The following SAMD12 variants were observed in gnomAD, a reference collection of about 807,000 sequenced individuals.
SAMD12 encodes the protein sterile alpha motif domain-containing protein 12.
SAMD12 carries 9 observed loss-of-function variants against 15.0 expected under a neutral mutation model. The ratio of observed to expected loss-of-function variants is 0.60; its 90% confidence interval spans 0.36 to 1.05. The LOEUF (loss-of-function observed/expected upper bound fraction) is 1.05. Among genes scored for constraint, SAMD12 ranks in the 50% least tolerant of loss-of-function variants. SAMD12 has a pLI of 0.01. For synonymous variants in SAMD12, 86 were observed against 90.1 expected, an observed-to-expected ratio of 0.96 and a Z score of 0.25; for missense variants, 230 against 234.2, an observed-to-expected ratio of 0.98 and a Z score of 0.12.
At chr8:118,230,432 A>G (rs533841562) in intron 4 of SAMD12, among the ~76,000 whole-genome samples, 1 of 152,294 alleles carries the variant, frequency 6.6e-6, no homozygotes, top group South Asian at 2.1e-4. Context: ...ATTCCTAAAC[A>G]ATCCAGAGGA....
intron 4 of SAMD12, among the ~76,000 whole-genome samples, chr8:118,333,519 C>T (rs1191527765): frequency 2.0e-5 from 3 of 151,872 alleles, no homozygotes; most frequent in Non-Finnish European, 2.9e-5. Flanking sequence ...TTTCCTCACC[C>T]ACACCTATCT....
chr8:118,177,376 G>A, the SAMD12 span, among the ~76,000 whole-genome samples: 1 of 152,028 alleles, frequency 6.6e-6, no homozygotes, highest in Non-Finnish European at 1.5e-5. Context: ...GAGTAGCTGG[G>A]ACTATGGGCA....
intron 4 of SAMD12, among the ~76,000 whole-genome samples, chr8:118,238,358 T>C (rs966368321): frequency 2.0e-5 from 3 of 152,172 alleles, no homozygotes; most frequent in South Asian, 2.1e-4. Flanking sequence ...AAATTTATCA[T>C]TGTAATCATT....
intron 1 of SAMD12, among the ~76,000 whole-genome samples, chr8:118,596,514 A>T (rs1396224134): frequency 6.6e-6 from 1 of 152,132 alleles, no homozygotes; most frequent in Admixed American, 6.5e-5. Flanking sequence ...AATCCATTAT[A>T]ATCTGGCTCT....
chr8:118,524,481 C>T (rs931925304), intron 2 of SAMD12, among the ~76,000 whole-genome samples: 5 of 152,116 alleles, frequency 3.3e-5, no homozygotes, highest in African/African-American at 1.2e-4. Flanking sequence ...TCAGTCACTG[C>T]AGCTCTGCTC....
intron 4 of SAMD12, among the ~76,000 whole-genome samples, chr8:118,210,749 T>G (rs1294614503): frequency 6.6e-6 from 1 of 152,190 alleles, no homozygotes; most frequent in Non-Finnish European, 1.5e-5. Flanking sequence ...CTCTACTTCT[T>G]TCTTCATCCT....
intron 4 of SAMD12, among the ~76,000 whole-genome samples, chr8:118,276,469 T>G (rs1813477054): frequency 6.6e-6 from 1 of 152,156 alleles, no homozygotes; most frequent in South Asian, 2.1e-4. Flanking sequence ...TTTCTACCCT[T>G]TAGGTTCAAC....
chr8:118,492,295 CA>C (rs564351589), intron 2 of SAMD12, among the ~76,000 whole-genome samples: 1 of 151,314 alleles, frequency 6.6e-6, no homozygotes, highest in Non-Finnish European at 1.5e-5. Context: ...CTTTGCCAAT[CA>C]AAAAAAATTG....
Position 118,621,936 on chromosome 8 carries a change from A to T in SAMD12, c.-120T>A. On this transcript the variant is annotated 5_prime_UTR_variant, in exon 1 of 4. Transcript: ENST00000314727. ...TTCTGCGCTTATCTGCTCCAGGACC[A>T]ACCTGCCGCGGTCACGCAAAGCGAG... 8.1e-7 allele frequency: 1 copy of T among 1,237,072 alleles called. No individual in the cohort carries two copies. The allele number at this position is 1,237,072 out of a possible 1,614,324, so 76.6% of individuals were successfully genotyped here. A position where few individuals can be genotyped will look rare whatever the true frequency, so the allele number is the denominator to read the frequency against.
chr8:118,609,871 A>G (rs1359303307), intron 1 of SAMD12, among the ~76,000 whole-genome samples: 1 of 152,198 alleles, frequency 6.6e-6, no homozygotes, highest in African/African-American at 2.4e-5. Flanking sequence ...TGATAGACAG[A>G]GCAGAGCCCC....
the SAMD12 span, among the ~76,000 whole-genome samples, chr8:118,155,962 G>T: frequency 9.2e-5 from 14 of 152,246 alleles, no homozygotes; most frequent in African/African-American, 3.4e-4. Context: ...TTTCTATCCA[G>T]CATTAAATTC....
chr8:118,395,149 T>C (rs1163709243), intron 3 of SAMD12, among the ~76,000 whole-genome samples: 2 of 152,178 alleles, frequency 1.3e-5, no homozygotes, highest in Admixed American at 6.5e-5. Context: ...TGGATGATAA[T>C]GGGTTCAAAA....
intron 4 of SAMD12, among the ~76,000 whole-genome samples, chr8:118,332,743 T>C (rs1174333138): frequency 6.6e-6 from 1 of 152,210 alleles, no homozygotes; most frequent in Non-Finnish European, 1.5e-5. Context: ...TGCTTTTCTC[T>C]CTACTTCGGT....
intron 4 of SAMD12, among the ~76,000 whole-genome samples, chr8:118,280,852 T>C (rs1813610951): frequency 6.6e-6 from 1 of 152,184 alleles, no homozygotes; most frequent in Non-Finnish European, 1.5e-5. Flanking sequence ...GCAGGCTACG[T>C]CAGCCACCTG....
intron 2 of SAMD12, among the ~76,000 whole-genome samples, chr8:118,501,463 A>G (rs1824779892): frequency 6.6e-6 from 1 of 152,232 alleles, no homozygotes; most frequent in South Asian, 2.1e-4. Context: ...TAAAAAATAA[A>G]TAATTAAAAA....
In SAMD12 at chr8:118,616,529, C is replaced by A. The variant is rs181551546; in HGVS notation, c.13+5275G>T. ...TTGTGTTCTATGAAGGGAAATCCATCAGAATTACACTTCTGGTCTCCCTCT... is the reference window on the plus strand; with the variant it reads ...TTGTGTTCTATGAAGGGAAATCCATAAGAATTACACTTCTGGTCTCCCTCT... On this transcript the variant is annotated intron_variant, in intron 1 of 3. Coordinates refer to ENST00000314727, the MANE Select transcript of SAMD12 (RefSeq NM_207506.3). Among the ~76,000 whole-genome samples the A allele has an allele frequency of 5.4e-4, 82 of 152,370 alleles. 1 individual carries two copies. In the East Asian group the frequency reaches 0.014, roughly 26 times the overall value.
rs1021060125 is a variant in SAMD12, at chr8:118,379,101, A to G, written c.*316T>C. The G allele has an allele frequency of 8.3e-6, 9 of 1,079,068 alleles. No homozygotes were observed. The highest frequency in any genetic ancestry group is 1.0e-5 in the Non-Finnish European group (9 of 887,588). 66.8% of individuals were successfully genotyped at this position (1,079,068 alleles called of 1,614,324 possible). A position where few individuals can be genotyped will look rare whatever the true frequency, so the allele number is the denominator to read the frequency against. On this transcript the variant is annotated 3_prime_UTR_variant, in exon 4 of 4. Transcript: ENST00000314727. The stretch of plus-strand genomic sequence containing the variant: ...AAAAGCAAAACAAAAATACAACAAA[A>G]ACTCCACTTATATCACTGGTCATCG...
At chr8:118,147,861 C>T in the SAMD12 span, among the ~76,000 whole-genome samples, 13 of 151,906 alleles carry the variant, frequency 8.6e-5, no homozygotes, top group African/African-American at 1.7e-4. Flanking sequence ...GAGATCCTTC[C>T]GACTTAGCCT....
intron 3 of SAMD12, among the ~76,000 whole-genome samples, chr8:118,408,064 C>T (rs1821221126): frequency 6.6e-6 from 1 of 152,124 alleles, no homozygotes; most frequent in African/African-American, 2.4e-5. Context: ...TCACTGTATA[C>T]ACACTCAAGT....
Sources: gnomAD v4.1 joint callset for allele counts (sites outside exome capture counted in the v4.1 genomes callset) on GRCh38, gnomAD v4.1.1 for gene constraint, MANE v1.5 for transcripts, NCBI Gene and HGNC (gene_info 2026-07-23, HGNC 2026-07-21) for gene names.